Variants in ZNF761 observed in about 807,000 individuals in gnomAD.
ZNF761 encodes the protein zinc finger protein 761.
In ZNF761, 43 loss-of-function variants were observed where a neutral mutation model predicts 59.9. That is an observed-to-expected ratio of 0.72 (90% CI 0.56 to 0.92). ZNF761 has a LOEUF of 0.92. ZNF761 is among the 40% of genes least tolerant of loss of function. The pLI, the probability that ZNF761 is intolerant of heterozygous loss-of-function variation, is 0.00. For missense variants in ZNF761, 850 were observed against 906.1 expected, an observed-to-expected ratio of 0.94 and a Z score of 0.79; for synonymous variants, 294 against 304.8, an observed-to-expected ratio of 0.96 and a Z score of 0.37.
Position 53,454,890 on chromosome 19 carries a change from A to G in ZNF761, c.383A>G (p.Gln128Arg), listed in dbSNP as rs753654707. The G allele has an allele frequency of 6.2e-7, 1 of 1,614,096 alleles. No homozygotes were observed. The highest frequency in any genetic ancestry group is 8.5e-7 in the Non-Finnish European group (1 of 1,180,040). ...KLTGITERYD[Q>R]SHARNKPIKD... ...ACAGGTATTACAGAACGATATGATC[A>G]AAGTCATGCTAGAAACAAGCCTATT... Residue 128 changes from glutamine (Q) to arginine (R), a missense_variant, in exon 5 of 5, where the codon CAA becomes CGA. Transcript: ENST00000684525.
intron 1 of ZNF761, among the ~76,000 whole-genome samples, chr19:53,439,115 AC>A (rs1296537888): frequency 6.6e-6 from 1 of 152,026 alleles, no homozygotes; most frequent in East Asian, 2.0e-4. Flanking sequence ...TACCAAAAAT[AC>A]AAAAATTAGG....
Position 53,455,691 on chromosome 19 carries a change from C to T in ZNF761, c.1184C>T (p.Ser395Leu). 3 of 1,613,692 alleles carry T rather than the reference C, an allele frequency of 1.9e-6. No individual in the cohort carries two copies. Among genetic ancestry groups the T allele is most frequent in the South Asian group, 1.1e-5 (1 of 91,052 alleles). ...TGTGGCAAGACCTTTAGTCACAAGTCATCCCTTACATGCCATCGTAGACTT... is the reference window on the plus strand; with the variant it reads ...TGTGGCAAGACCTTTAGTCACAAGTTATCCCTTACATGCCATCGTAGACTT... ...NECGKTFSHK[S>L]SLTCHRRLHT... Residue 395 changes from serine (S) to leucine (L), a missense_variant, in exon 5 of 5, where the codon TCA becomes TTA. Ser to Leu is a moderately radical substitution (Grantham distance 145). Transcript: ENST00000684525.
chr19:53,446,488 G>GC (rs2086160940), intron 2 of ZNF761, among the ~76,000 whole-genome samples, 151 bp downstream of exon 2: 1 of 152,100 alleles, frequency 6.6e-6, no homozygotes, highest in Admixed American at 6.5e-5. Context: ...CGATTCTCCT[G>GC]CCTCCACTTC....
intron 1 of ZNF761, among the ~76,000 whole-genome samples, chr19:53,434,732 CAGTT>C (rs1207030706): frequency 1.4e-4 from 22 of 152,172 alleles, no homozygotes; most frequent in African/African-American, 5.3e-4. Context: ...GGGGAAGAGT[CAGTT>C]AGAGTTAAAT....
intron 1 of ZNF761, among the ~76,000 whole-genome samples, chr19:53,433,466 C>CATCTTGTAACTGTTCTCTAAGT (rs58311670): frequency 3.3e-5 from 1 of 29,918 alleles, no homozygotes; most frequent in Admixed American, 2.3e-4. Context: ...TTCGCCAAGT[C>CATCTTGTAACTGTTCTCTAAGT]GAGCTTGCTA....
rs1008126658 is a variant in ZNF761, at chr19:53,456,855, G to A, written c.*107G>A. The A allele has an allele frequency of 2.7e-5, 35 of 1,274,528 alleles. No homozygotes were observed. In the African/African-American group the frequency reaches 4.5e-4, roughly 16 times the overall value. 79.0% of individuals were successfully genotyped at this position (1,274,528 alleles called of 1,614,324 possible). On this transcript the variant is annotated 3_prime_UTR_variant, in exon 5 of 5. Coordinates refer to ENST00000684525, the MANE Select transcript of ZNF761 (RefSeq NM_001289951.2). ...TGAAGCATGTGATAAAGTTTACAGT[G>A]GCAAATCAAGCCTCAGAAGACAGGA...
intron 1 of ZNF761, among the ~76,000 whole-genome samples, chr19:53,438,941 G>T (rs901288902): frequency 6.6e-6 from 1 of 152,202 alleles, no homozygotes; most frequent in Non-Finnish European, 1.5e-5. Flanking sequence ...ACTTGGCAGG[G>T]TATAGGCCAT....
At chr19:53,449,235 C>T (rs1311766646) in intron 3 of ZNF761, among the ~76,000 whole-genome samples, 1 of 151,984 alleles carries the variant, frequency 6.6e-6, no homozygotes, top group African/African-American at 2.4e-5. Flanking sequence ...GAGGCTAAGG[C>T]AGGAAAATCG....
rs143597330 is a variant in ZNF761 at position 53,455,352 on chromosome 19, C to T, written c.845C>T (p.Thr282Met). The T allele has an allele frequency of 3.4e-4, 550 of 1,609,730 alleles. 1 individual carries two copies. Among genetic ancestry groups the T allele is most frequent in the Non-Finnish European group, 4.1e-4 (482 of 1,178,432 alleles). The change falls in exon 5 of 5, where the codon ACG becomes ATG. Residue 282 changes from threonine to methionine, a missense_variant. By Grantham distance (81) the Thr-to-Met change is moderately conservative (BLOSUM62 -1). Transcript: ENST00000684525. ...GAGTGTGGCAAGACCTTCAGTCAGA[C>T]GTCATCCCTTACATGCCATCGTAGA... ...CNECGKTFSQ[T>M]SSLTCHRRLH...
intron 4 of ZNF761, among the ~76,000 whole-genome samples, chr19:53,453,812 G>A (rs1394032458): frequency 6.6e-6 from 1 of 152,136 alleles, no homozygotes; most frequent in Non-Finnish European, 1.5e-5. Flanking sequence ...AAAGGTGGAT[G>A]TTGCAGTGAG....
intron 1 of ZNF761, chr19:53,441,745 G>T (rs1308636244): frequency 5.1e-5 from 38 of 748,946 alleles, no homozygotes; most frequent in Non-Finnish European, 7.4e-5. Flanking sequence ...ACCATGCCCG[G>T]CTGAGATAAA....
Position 53,456,064 on chromosome 19 carries a change from G to A in ZNF761, c.1557G>A (p.Glu519=). The A allele has an allele frequency of 6.3e-7, 1 of 1,598,188 alleles. No homozygotes were observed. Among genetic ancestry groups the A allele is most frequent in the Non-Finnish European group, 8.6e-7 (1 of 1,168,634 alleles). Residue 519 remains glutamate (E), a synonymous_variant, in exon 5 of 5, where the codon GAG becomes GAA. Coordinates refer to ENST00000684525, the MANE Select transcript of ZNF761 (RefSeq NM_001289951.2). Reference sequence around the variant, plus strand: ...GCCATCATAGACTTCATACTGGAGAGAAAGCTTACAAGTGTAATGAGTGCG... The same window carrying A: ...GCCATCATAGACTTCATACTGGAGAAAAAGCTTACAAGTGTAATGAGTGCG... ...LTCHHRLHTG[E]KAYKCNECGK... is the part of the protein sequence containing the mutation.
intron 4 of ZNF761, among the ~76,000 whole-genome samples, chr19:53,452,822 T>C (rs1366124718): frequency 1.3e-5 from 2 of 152,336 alleles, no homozygotes; most frequent in South Asian, 2.1e-4. Flanking sequence ...CGTGACCAAA[T>C]TGTCTCAAAG....
intron 1 of ZNF761, among the ~76,000 whole-genome samples, chr19:53,435,522 C>T (rs138196100): frequency 7.6e-4 from 116 of 151,694 alleles, no homozygotes; most frequent in African/African-American, 2.6e-3. Context: ...AGGCTGGTCT[C>T]GAACTCCCGA....
intron 1 of ZNF761, among the ~76,000 whole-genome samples, chr19:53,440,901 C>G (rs938613393): frequency 2.0e-5 from 3 of 152,158 alleles, no homozygotes; most frequent in Non-Finnish European, 4.4e-5. Context: ...GTCTCAACAT[C>G]CTGAGCTCGA....
Position 53,456,067 on chromosome 19 carries a change from A to G in ZNF761, c.1560A>G (p.Lys520=). Reference sequence around the variant, plus strand: ...ATCATAGACTTCATACTGGAGAGAAAGCTTACAAGTGTAATGAGTGCGGCA... The same window carrying G: ...ATCATAGACTTCATACTGGAGAGAAGGCTTACAAGTGTAATGAGTGCGGCA... ...TCHHRLHTGE[K]AYKCNECGKT... is the part of the protein sequence containing the mutation. Residue 520 remains lysine, a synonymous_variant, in exon 5 of 5, where the codon AAA becomes AAG. Transcript: ENST00000684525. 6.3e-7 allele frequency: 1 copy of G among 1,598,092 alleles called. No individual in the cohort carries two copies.
In ZNF761 at chr19:53,457,801, A is replaced by G. The variant is rs1237864183; in HGVS notation, c.*1053A>G. The G allele has an allele frequency of 6.4e-6, 1 of 155,270 alleles. No homozygotes were observed. The highest frequency in any genetic ancestry group is 1.5e-5 in the Non-Finnish European group (1 of 68,536). The allele number at this position is 155,270 out of a possible 1,614,324, so 9.6% of individuals were successfully genotyped here. A position where few individuals can be genotyped will look rare whatever the true frequency, so the allele number is the denominator to read the frequency against. Reference sequence around the variant, plus strand: ...CAGGAGTTTGAGATCAGCCTGGCCAACAGACGTGAGCCATTTTCCCAGCCT... The same window carrying G: ...CAGGAGTTTGAGATCAGCCTGGCCAGCAGACGTGAGCCATTTTCCCAGCCT... On this transcript the variant is annotated 3_prime_UTR_variant, in exon 5 of 5. Coordinates refer to ENST00000684525, the MANE Select transcript of ZNF761 (RefSeq NM_001289951.2).
intron 3 of ZNF761, among the ~76,000 whole-genome samples, chr19:53,449,126 T>C (rs967946391): frequency 1.3e-5 from 2 of 152,100 alleles, no homozygotes; most frequent in Admixed American, 1.3e-4. Flanking sequence ...GGTCAGGAGT[T>C]TGAGACCAAC....
chr19:53,434,371 A>G (rs150811628), intron 1 of ZNF761, among the ~76,000 whole-genome samples: 3 of 152,124 alleles, frequency 2.0e-5, no homozygotes, highest in African/African-American at 7.2e-5. Flanking sequence ...AGATGGTCTA[A>G]TTGTTTCAAG....
Sources: gnomAD v4.1 joint callset for allele counts (sites outside exome capture counted in the v4.1 genomes callset) on GRCh38, gnomAD v4.1.1 for gene constraint, MANE v1.5 for transcripts, NCBI Gene and HGNC (gene_info 2026-07-23, HGNC 2026-07-21) for gene names.